The following DCT variants were observed in gnomAD, a reference collection of about 807,000 sequenced individuals.
The protein encoded by DCT is dopachrome tautomerase.
In DCT, 47 loss-of-function variants were observed where a neutral mutation model predicts 53.0. The ratio of observed to expected loss-of-function variants is 0.89; its 90% CI spans 0.70 to 1.13. The LOEUF is 1.13. Ranked by LOEUF, DCT falls within the 50% of genes most tolerant of loss-of-function variation. DCT has a pLI of 0.00. For synonymous variants in DCT, 244 were observed against 237.0 expected, an observed-to-expected ratio of 1.03 and a Z score of -0.27; for missense variants, 669 against 637.4, an observed-to-expected ratio of 1.05 and a Z score of -0.53.
the DCT span, among the ~76,000 whole-genome samples, chr13:94,528,996 T>C: frequency 6.6e-6 from 1 of 152,152 alleles, no homozygotes; most frequent in Non-Finnish European, 1.5e-5. Flanking sequence ...AATCCTAGTC[T>C]CTGATAAAAC....
At chr13:94,513,461 G>A in the DCT span, among the ~76,000 whole-genome samples, 46 of 152,286 alleles carry the variant, frequency 3.0e-4, no homozygotes, top group African/African-American at 6.7e-4. Flanking sequence ...AGCACACCAA[G>A]CAATTTATAT....
At chr13:94,531,424 T>C in the DCT span, among the ~76,000 whole-genome samples, 1 of 152,166 alleles carries the variant, frequency 6.6e-6, no homozygotes, top group Non-Finnish European at 1.5e-5. Flanking sequence ...AACAGCATGG[T>C]ACTGGTACCA....
At chr13:94,475,868 A>G (rs1485794600) in intron 1 of DCT, among the ~76,000 whole-genome samples, 1 of 152,218 alleles carries the variant, frequency 6.6e-6, no homozygotes, top group African/African-American at 2.4e-5. Flanking sequence ...GGAAACATTA[A>G]AAGTCTAGTA....
intron 6 of DCT, among the ~76,000 whole-genome samples, chr13:94,446,463 G>A (rs1204675156): frequency 6.6e-6 from 1 of 152,192 alleles, no homozygotes; most frequent in African/African-American, 2.4e-5. Flanking sequence ...TGTGGCACAT[G>A]CCTAGCACTT....
At chr13:94,451,125 C>A (rs1181771326) in intron 6 of DCT, among the ~76,000 whole-genome samples, 1 of 152,154 alleles carries the variant, frequency 6.6e-6, no homozygotes, top group Non-Finnish European at 1.5e-5. Flanking sequence ...CAGCCACCCT[C>A]TCTGATTCCT....
chr13:94,488,889 C>CAT, the DCT span, among the ~76,000 whole-genome samples: 10 of 150,616 alleles, frequency 6.6e-5, no homozygotes, highest in Admixed American at 1.3e-4. Context: ...CACAAACACA[C>CAT]ATATATATAT....
chr13:94,526,330 G>C, the DCT span, among the ~76,000 whole-genome samples: 1 of 152,176 alleles, frequency 6.6e-6, no homozygotes, highest in Non-Finnish European at 1.5e-5. Context: ...TAAAAATCCA[G>C]CACAAAGAAT....
At chr13:94,464,130 G>A (rs1054072155) in intron 4 of DCT, among the ~76,000 whole-genome samples, 1 of 152,350 alleles carries the variant, frequency 6.6e-6, no homozygotes, top group East Asian at 1.9e-4. Context: ...CACTGATGAT[G>A]TCCCTGCTCG....
the DCT span, among the ~76,000 whole-genome samples, chr13:94,485,075 G>A: frequency 6.9e-6 from 1 of 145,734 alleles, no homozygotes. Context: ...GTCCATGGCA[G>A]GACTTGAGAC....
intron 6 of DCT, chr13:94,452,492 A>G: frequency 1.6e-6 from 1 of 626,942 alleles, no homozygotes; most frequent in Non-Finnish European, 2.8e-6. Flanking sequence ...TAGGTGACAC[A>G]CAGGTATTAG....
At chr13:94,500,405 G>C in the DCT span, among the ~76,000 whole-genome samples, 1 of 152,210 alleles carries the variant, frequency 6.6e-6, no homozygotes, top group Non-Finnish European at 1.5e-5. Context: ...CATGAAAACA[G>C]TATGGGAGAA....
rs1377448083 is a variant in DCT, at chr13:94,466,610, G to T, written c.644C>A (p.Ala215Glu). The change falls in exon 3 of 8, where the codon GCA becomes GAA. Residue 215 changes from alanine (A) to glutamate (E), a missense_variant. Physicochemically the swap from Ala to Glu is moderately radical, Grantham distance 107 (BLOSUM62 -1). Coordinates refer to ENST00000377028, the MANE Select transcript of DCT (RefSeq NM_001922.5). ...ATGGTACCGGTGCCAGGTAACAAAT[G>T]CAGGTCCTTGATGTGAGAAATCTAT... ...RAIDFSHQGP[A>E]FVTWHRYHLL... 2 of 1,612,568 alleles carry T rather than the reference G, an allele frequency of 1.2e-6. No homozygotes were observed. Among genetic ancestry groups the T allele is most frequent in the Admixed American group, 1.7e-5 (1 of 59,906 alleles).
chr13:94,457,381 A>T (rs1643770773), intron 6 of DCT, among the ~76,000 whole-genome samples: 1 of 152,192 alleles, frequency 6.6e-6, no homozygotes, highest in African/African-American at 2.4e-5. Context: ...CTCTCCCTCC[A>T]CTATATGAGG....
At chr13:94,458,570 G>T (rs972730504) in intron 6 of DCT, among the ~76,000 whole-genome samples, 1 of 152,136 alleles carries the variant, frequency 6.6e-6, no homozygotes, top group Non-Finnish European at 1.5e-5. Context: ...TTGGGAGGCT[G>T]AGGTGGGCAG....
At chr13:94,500,938 C>G in the DCT span, among the ~76,000 whole-genome samples, 4 of 152,322 alleles carry the variant, frequency 2.6e-5, no homozygotes, top group East Asian at 7.7e-4. Context: ...GACTTTTCTA[C>G]CACTGCCATC....
intron 1 of DCT, among the ~76,000 whole-genome samples, chr13:94,469,303 C>T (rs752009653): frequency 2.0e-5 from 3 of 152,138 alleles, no homozygotes; most frequent in Non-Finnish European, 4.4e-5. Flanking sequence ...TGAGCTAAAC[C>T]GTGTCCCCGA....
intron 2 of DCT, 124 bp downstream of exon 2, chr13:94,468,622 T>A: frequency 1.1e-6 from 1 of 875,854 alleles, no homozygotes; most frequent in Non-Finnish European, 1.8e-6. Context: ...ACGACTTTCA[T>A]AAACCTAAGG....
chr13:94,446,107 G>A (rs938665780), intron 6 of DCT, among the ~76,000 whole-genome samples: 4 of 152,170 alleles, frequency 2.6e-5, no homozygotes, highest in Admixed American at 6.5e-5. Flanking sequence ...GGATAGTGAC[G>A]CAGCTTGAGA....
At chr13:94,535,297 T>C in the DCT span, among the ~76,000 whole-genome samples, 7 of 152,170 alleles carry the variant, frequency 4.6e-5, no homozygotes, top group Non-Finnish European at 1.0e-4. Context: ...TGGAAGAGGT[T>C]CAAGACTAGT....
Sources: gnomAD v4.1 joint callset for allele counts (sites outside exome capture counted in the v4.1 genomes callset) on GRCh38, gnomAD v4.1.1 for gene constraint, MANE v1.5 for transcripts, NCBI Gene and HGNC (gene_info 2026-07-23, HGNC 2026-07-21) for gene names.